Variants in CAST observed in about 807,000 individuals in gnomAD.
The protein encoded by CAST is MIR583 host.
Under a neutral mutation model 119.6 loss-of-function variants are expected in CAST, and 76 were observed. The observed-to-expected ratio is 0.64, with a 90% CI of 0.53 to 0.77. The LOEUF is 0.77. CAST is among the 30% of genes least tolerant of loss of function. The pLI, the probability that CAST is intolerant of heterozygous loss-of-function variation, is 0.00. For synonymous variants in CAST, 319 were observed against 331.6 expected, an observed-to-expected ratio of 0.96 and a Z score of 0.41; for missense variants, 953 against 946.5, an observed-to-expected ratio of 1.01 and a Z score of -0.09.
Position 96,537,558 on chromosome 5 carries a change from G to GA in CAST, c.60+7688dup, listed in dbSNP as rs34121866. 4.4e-3 allele frequency among the ~76,000 whole-genome samples: 673 copies of GA among 151,348 alleles called. 4 individuals are homozygous for GA. Among genetic ancestry groups the GA allele is most frequent in the Non-Finnish European group, 6.1e-3 (410 of 67,746 alleles). On this transcript the variant is annotated intron_variant, in intron 1 of 11. Coordinates refer to the CAST transcript ENST00000505143. ...TACTTCTGTGAGCAACACAGGAAGA[G>GA]AAAAAAAAAACTTATCTTTTCAACT...
Position 96,537,008 on chromosome 5 carries a change from G to A in CAST, c.60+7128G>A, listed in dbSNP as rs114601771. Among the ~76,000 whole-genome samples, 1,061 of 152,266 alleles carry A rather than the reference G, an allele frequency of 7.0e-3. 21 individuals are homozygous for A. The highest frequency in any genetic ancestry group is 0.024 in the African/African-American group (1,010 of 41,556). On this transcript the variant is annotated intron_variant, in intron 1 of 11. Transcript: ENST00000505143. Reference sequence around the variant, plus strand: ...TTCTCTTATAATTTGAATCTACCCAGTGCTCAAATTAAGCACTTAATTATG... The same window carrying A: ...TTCTCTTATAATTTGAATCTACCCAATGCTCAAATTAAGCACTTAATTATG...
intron 4 of CAST, among the ~76,000 whole-genome samples, chr5:96,724,308 G>T (rs1035599826): frequency 6.6e-6 from 1 of 151,944 alleles, no homozygotes; most frequent in Admixed American, 6.6e-5. Flanking sequence ...AGTCTCCTGA[G>T]TAGCTGGAAC....
chr5:96,163,269 G>C, the CAST span, among the ~76,000 whole-genome samples: 2 of 152,076 alleles, frequency 1.3e-5, no homozygotes, highest in Non-Finnish European at 2.9e-5. Flanking sequence ...TAATTTGCAT[G>C]TTCTTTCTTT....
In CAST at chr5:96,662,382, C is replaced by T; in HGVS notation, c.-41C>T. The T allele has an allele frequency of 7.0e-7, 1 of 1,420,314 alleles. No homozygotes were observed. The highest frequency in any genetic ancestry group is 9.1e-7 in the Non-Finnish European group (1 of 1,093,150). The allele number at this position is 1,420,314 out of a possible 1,614,324, so 88.0% of individuals were successfully genotyped here. A position where few individuals can be genotyped will look rare whatever the true frequency, so the allele number is the denominator to read the frequency against. ...CCCGCCAGGCCTCCCCGCCACTCTC[C>T]GCGGCGCATTCCGGGAGGCAGCGGC... On this transcript the variant is annotated 5_prime_UTR_variant, in exon 1 of 32. Transcript: ENST00000675179.
the CAST span, among the ~76,000 whole-genome samples, chr5:96,366,580 A>T: frequency 6.6e-6 from 1 of 151,998 alleles, no homozygotes; most frequent in Non-Finnish European, 1.5e-5. Context: ...CATTCATTTG[A>T]TCTTCAATCA....
At chr5:96,157,272 C>T in the CAST span, among the ~76,000 whole-genome samples, 1 of 152,074 alleles carries the variant, frequency 6.6e-6, no homozygotes, top group Non-Finnish European at 1.5e-5. Context: ...ATCCACGGGC[C>T]CTGGTGATCT....
upstream of CAST, chr5:96,529,711 C>T: frequency 5.8e-6 from 2 of 342,158 alleles, 1 homozygote; most frequent in Middle Eastern, 2.0e-3. Flanking sequence ...GGGGCAGTTT[C>T]CCCCATCCTG....
At chr5:96,130,121 T>C in the CAST span, among the ~76,000 whole-genome samples, 5 of 151,098 alleles carry the variant, frequency 3.3e-5, no homozygotes, top group African/African-American at 1.2e-4. Flanking sequence ...AAGAGTAACT[T>C]ACAATGGAGA....
chr5:96,613,575 C>T (rs774734887), intron 1 of CAST, among the ~76,000 whole-genome samples: 6 of 152,144 alleles, frequency 3.9e-5, no homozygotes, highest in Non-Finnish European at 7.4e-5. Flanking sequence ...GTGATGGGGA[C>T]GGGATGCAAA....
intron 1 of CAST, among the ~76,000 whole-genome samples, chr5:96,574,937 G>A (rs1746642620): frequency 6.6e-6 from 1 of 151,918 alleles, no homozygotes; most frequent in Non-Finnish European, 1.5e-5. Context: ...CCATAGAATT[G>A]GTTTGTATAT....
chr5:96,104,553 G>A, the CAST span, among the ~76,000 whole-genome samples: 8 of 152,054 alleles, frequency 5.3e-5, no homozygotes, highest in African/African-American at 4.8e-5. Context: ...GCAGATATGC[G>A]GCGTTATTTC....
At chr5:96,238,443 A>G in the CAST span, among the ~76,000 whole-genome samples, 1 of 150,614 alleles carries the variant, frequency 6.6e-6, no homozygotes, top group Non-Finnish European at 1.5e-5. Flanking sequence ...GCTGGAGTGC[A>G]ATGGTACCAT....
At chr5:96,629,685 T>G (rs559356766) in intron 1 of CAST, among the ~76,000 whole-genome samples, 64 of 152,340 alleles carry the variant, frequency 4.2e-4, no homozygotes, top group African/African-American at 1.5e-3. Flanking sequence ...TCCAATCTCA[T>G]TCTTTAACCC....
At chr5:96,428,847 T>C in the CAST span, among the ~76,000 whole-genome samples, 1 of 152,312 alleles carries the variant, frequency 6.6e-6, no homozygotes, top group East Asian at 1.9e-4. Context: ...TAAAAGGTTG[T>C]TGATTGACTG....
the CAST span, among the ~76,000 whole-genome samples, chr5:96,254,318 T>C: frequency 1.3e-5 from 2 of 152,144 alleles, no homozygotes; most frequent in Non-Finnish European, 2.9e-5. Context: ...AGTGACTTTA[T>C]GTTATTACTT....
At chr5:96,127,101 CATT>C in the CAST span, among the ~76,000 whole-genome samples, 1 of 152,008 alleles carries the variant, frequency 6.6e-6, no homozygotes, top group Non-Finnish European at 1.5e-5. Context: ...AATAACTTAG[CATT>C]ATTATCAAAA....
At chr5:95,976,137 C>A in the CAST span, among the ~76,000 whole-genome samples, 4 of 151,380 alleles carry the variant, frequency 2.6e-5, no homozygotes, top group Non-Finnish European at 5.9e-5. Context: ...TTTGAAAATC[C>A]CATCAAATAC....
chr5:96,695,945 A>G (rs779763133), intron 3 of CAST, 38 bp downstream of exon 3: 2 of 1,433,824 alleles, frequency 1.4e-6, no homozygotes, highest in Non-Finnish European at 2.0e-6. Context: ...CCCCTACTGT[A>G]TTCTACAGGG....
intron 1 of CAST, among the ~76,000 whole-genome samples, chr5:96,637,578 C>A (rs569297801): frequency 3.3e-5 from 5 of 152,320 alleles, no homozygotes; most frequent in Admixed American, 1.3e-4. Flanking sequence ...TGAAGACTGG[C>A]TGGCTTAATG....
Sources: allele counts gnomAD v4.1 joint callset (sites outside exome capture counted in the v4.1 genomes callset), GRCh38; gene constraint gnomAD v4.1.1; transcripts MANE v1.5; gene names NCBI Gene and HGNC (gene_info 2026-07-23, HGNC 2026-07-21).